The following NEBL variants were observed in gnomAD, a reference collection of about 807,000 sequenced individuals.
NEBL encodes the protein nebulette, also known as LIM and SH3 protein 2.
In NEBL, 122 loss-of-function variants were observed where a neutral mutation model predicts 140.2. The ratio of observed to expected loss-of-function variants is 0.87; its 90% confidence interval spans 0.75 to 1.01. The LOEUF (loss-of-function observed/expected upper bound fraction) is 1.01. NEBL is among the 50% of genes least tolerant of loss of function. The pLI, the probability that NEBL is intolerant of heterozygous loss-of-function variation, is 0.00. For synonymous variants in NEBL, 436 were observed against 398.9 expected (o/e 1.09, Z -1.11); for missense variants, 1,365 against 1,231.3 (o/e 1.11, Z -1.62).
At chr10:21,048,976 C>T (rs1023252517) in intron 2 of NEBL, among the ~76,000 whole-genome samples, 1 of 152,086 alleles carries the variant, frequency 6.6e-6, no homozygotes, top group Non-Finnish European at 1.5e-5. Flanking sequence ...CACCACTGCA[C>T]TCCAGCCTGG....
At chr10:20,926,968 G>T (rs10828153) in intron 4 of NEBL, among the ~76,000 whole-genome samples, 11 of 152,048 alleles carry the variant, frequency 7.2e-5, no homozygotes, top group African/African-American at 2.2e-4. Flanking sequence ...TGAGTGGGGA[G>T]GAAAAATCAT....
intron 21 of NEBL, 111 bp downstream of exon 21, chr10:20,817,489 A>G: frequency 1.1e-6 from 1 of 938,166 alleles, no homozygotes; most frequent in Non-Finnish European, 1.7e-6. Flanking sequence ...TAGTCAAATG[A>G]GAACAGGACA....
chr10:21,103,348 G>T (rs1192543365), intron 2 of NEBL, among the ~76,000 whole-genome samples: 1 of 151,842 alleles, frequency 6.6e-6, no homozygotes, highest in African/African-American at 2.4e-5. Flanking sequence ...CCAGTAGCTG[G>T]AACTACAGGC....
chr10:21,067,840 G>T (rs1835637273), intron 2 of NEBL, among the ~76,000 whole-genome samples: 1 of 152,016 alleles, frequency 6.6e-6, no homozygotes, highest in Non-Finnish European at 1.5e-5. Context: ...CATCAGCTGG[G>T]CATGGTGGCG....
intron 7 of NEBL, among the ~76,000 whole-genome samples, chr10:20,865,617 A>G (rs1457529636): frequency 6.6e-6 from 1 of 152,148 alleles, no homozygotes; most frequent in Non-Finnish European, 1.5e-5. Context: ...TATGCTGGAA[A>G]TCTGAAGTGA....
intron 4 of NEBL, among the ~76,000 whole-genome samples, chr10:20,936,849 G>C (rs74120565): frequency 1.1e-3 from 161 of 152,254 alleles, no homozygotes; most frequent in African/African-American, 3.8e-3. Flanking sequence ...ATAAGCTTGG[G>C]TCGATTCCTT....
chr10:20,963,684 C>T (rs759348989), intron 3 of NEBL, among the ~76,000 whole-genome samples: 70 of 152,160 alleles, frequency 4.6e-4, no homozygotes, highest in Non-Finnish European at 8.7e-4. Context: ...TATCAGCCAC[C>T]ACCACACCCA....
At chr10:20,973,021 T>C (rs530140889) in intron 3 of NEBL, among the ~76,000 whole-genome samples, 154 of 152,112 alleles carry the variant, frequency 1.0e-3, no homozygotes, top group Admixed American at 1.8e-3. Flanking sequence ...ATATTAGAAG[T>C]GTTGAAGAGT....
chr10:21,240,643 G>C (rs1157830305), intron 3 of NEBL, among the ~76,000 whole-genome samples: 1 of 152,122 alleles, frequency 6.6e-6, no homozygotes, highest in Non-Finnish European at 1.5e-5. Context: ...CATGATATTA[G>C]ATGTGTGAAA....
chr10:21,287,922 T>C (rs1216951989), intron 1 of NEBL, among the ~76,000 whole-genome samples: 1 of 152,150 alleles, frequency 6.6e-6, no homozygotes, highest in African/African-American at 2.4e-5. Flanking sequence ...AAACCATCTC[T>C]GAAAAAAAAT....
At chr10:21,195,748 G>A (rs1250901640) in intron 3 of NEBL, among the ~76,000 whole-genome samples, 1 of 152,088 alleles carries the variant, frequency 6.6e-6, no homozygotes, top group Non-Finnish European at 1.5e-5. Flanking sequence ...ATAATCACAT[G>A]TATATTTTAT....
At chr10:20,903,185 A>G (rs933372544) in intron 4 of NEBL, among the ~76,000 whole-genome samples, 1 of 152,242 alleles carries the variant, frequency 6.6e-6, no homozygotes, top group African/African-American at 2.4e-5. Context: ...GATAAAGTTT[A>G]ATTTATAAAC....
chr10:21,053,350 T>G (rs1188809574), intron 2 of NEBL, among the ~76,000 whole-genome samples: 3 of 152,158 alleles, frequency 2.0e-5, no homozygotes, highest in African/African-American at 7.2e-5. Flanking sequence ...AATCCTGGCT[T>G]TCTAGATGCT....
intron 7 of NEBL, among the ~76,000 whole-genome samples, chr10:20,865,277 G>A (rs1166778081): frequency 6.6e-6 from 1 of 152,126 alleles, no homozygotes. Flanking sequence ...ATTATGTCAT[G>A]TTTCTATGGG....
Position 21,020,303 on chromosome 10 carries a change from C to T in NEBL, c.165-102G>A, listed in dbSNP as rs12260294. The stretch of plus-strand genomic sequence containing the variant: ...ACATCCCCCCTTTTCCCAACCCCAT[C>T]ACAGTGGAAGAGGGACCTGAGCTTG... On this transcript the variant is annotated intron_variant, in intron 2 of 6. Transcript: ENST00000417816. 2,781 of 1,015,474 alleles carry T rather than the reference C, an allele frequency of 2.7e-3. 54 individuals carry two copies. In the African/African-American group the frequency reaches 0.04, roughly 15 times the overall value. 62.9% of individuals were successfully genotyped at this position (1,015,474 alleles called of 1,614,324 possible). A position where few individuals can be genotyped will look rare whatever the true frequency, so the allele number is the denominator to read the frequency against.
chr10:21,140,843 C>T (rs561339852), intron 2 of NEBL, among the ~76,000 whole-genome samples: 8 of 152,096 alleles, frequency 5.3e-5, no homozygotes, highest in African/African-American at 1.9e-4. Context: ...CTAACGCATG[C>T]ATGGCTTAAA....
chr10:20,984,839 C>T (rs947872593), intron 3 of NEBL, among the ~76,000 whole-genome samples: 1 of 152,176 alleles, frequency 6.6e-6, no homozygotes, highest in Non-Finnish European at 1.5e-5. Context: ...TTTACAGCCA[C>T]TCCCCACAGC....
chr10:21,009,043 G>A (rs887153292), intron 3 of NEBL, among the ~76,000 whole-genome samples: 6 of 151,926 alleles, frequency 3.9e-5, no homozygotes, highest in Non-Finnish European at 7.4e-5. Flanking sequence ...CAAAGCCTTG[G>A]AAATTATCCA....
chr10:20,822,209 C>T (rs112324891), intron 19 of NEBL, among the ~76,000 whole-genome samples: 9 of 152,190 alleles, frequency 5.9e-5, no homozygotes, highest in South Asian at 2.1e-4. Context: ...AGGATGCCCA[C>T]GACCCCTAAT....
Sources: gnomAD v4.1 joint callset for allele counts (sites outside exome capture counted in the v4.1 genomes callset) on GRCh38, gnomAD v4.1.1 for gene constraint, MANE v1.5 for transcripts, NCBI Gene and HGNC (gene_info 2026-07-23, HGNC 2026-07-21) for gene names.